GNAT1: variants seen among roughly 807,000 people sequenced by gnomAD.
GNAT1 encodes the protein guanine nucleotide-binding protein G(t) subunit alpha-1.
GNAT1 carries 36 observed loss-of-function variants against 40.0 expected under a neutral mutation model. That is an observed-to-expected ratio of 0.90 (90% CI 0.69 to 1.19). The LOEUF is 1.19. Ranked by LOEUF, GNAT1 falls within the 50% of genes most tolerant of loss-of-function variation. The pLI is 0.00. For synonymous variants in GNAT1, 195 were observed against 192.9 expected (o/e 1.01, Z -0.09); for missense variants, 413 against 480.6 (o/e 0.86, Z 1.32).
intron 8 of GNAT1, 140 bp downstream of exon 8, chr3:50,195,096 C>T: frequency 1.4e-6 from 1 of 693,408 alleles, no homozygotes; most frequent in East Asian, 2.7e-5. Context: ...CCTCAGGCTC[C>T]ACCCCACCGA....
At position 50,191,632 on chromosome 3, in the gene GNAT1, G is replaced by T; in HGVS notation, c.-94G>T. 1.1e-6 allele frequency: 1 copy of T among 893,056 alleles called. No homozygotes were observed. Among genetic ancestry groups the T allele is most frequent in the South Asian group, 1.3e-5 (1 of 74,766 alleles). The allele number at this position is 893,056 out of a possible 1,614,324, so 55.3% of individuals were successfully genotyped here. A position where few individuals can be genotyped will look rare whatever the true frequency, so the allele number is the denominator to read the frequency against. ...GCCAGTTGATTGCAGGTCCTCCTGG[G>T]GCCAGAAGGGTGCCTGGGAGGCCAG... is the stretch of plus-strand genomic sequence containing the variant. On this transcript the variant is annotated 5_prime_UTR_variant, in exon 1 of 9. Transcript: ENST00000232461.
chr3:50,193,187 T>G lies in GNAT1; in HGVS notation c.149+12T>G, dbSNP rs760015293. 4.3e-6 allele frequency: 7 copies of G among 1,614,048 alleles called. No individual in the cohort carries two copies. The South Asian group carries it at 6.6e-5, about 15-fold the overall frequency. ...GTCAAGCAGATGAAGTGAGTGCCCC[T>G]GCCTGTCCCGAGGCCCCTGGGTCTG... On this transcript the variant is annotated intron_variant, in intron 2 of 8. Coordinates refer to ENST00000232461, the MANE Select transcript of GNAT1 (RefSeq NM_144499.3). The surrounding 1 kb of genome is among the most constrained non-coding windows in gnomAD (Gnocchi z 8.1).
Position 50,194,256 on chromosome 3 carries a change from CGAG to C in GNAT1, c.708+42_708+44del, listed in dbSNP as rs771516234. ...AGGCAGGGCCTGTGTTCCAGGGGGG[CGAG>C]GAGGAGCTGCTGGTCCCTGGAGGCG... On this transcript the variant is annotated intron_variant, in intron 6 of 8. Coordinates refer to ENST00000232461, the MANE Select transcript of GNAT1 (RefSeq NM_144499.3). The surrounding 1 kb of genome is among the most constrained non-coding windows in gnomAD (Gnocchi z 6.1). The C allele has an allele frequency of 3.8e-6, 6 of 1,577,066 alleles. No homozygotes were observed. The highest frequency in any genetic ancestry group is 1.4e-5 in the African/African-American group (1 of 73,922).
In GNAT1 at chr3:50,197,318, C is replaced by A. The variant is rs1282284035; in HGVS notation, c.*2052C>A. On this transcript the variant is annotated 3_prime_UTR_variant, in exon 9 of 9. Coordinates refer to ENST00000232461, the MANE Select transcript of GNAT1 (RefSeq NM_144499.3). ...TTGTACAACCACCGCAACTGTTCAT[C>A]TCCAGAACTCCTTTCCTCTTGTAAA... Among the ~76,000 whole-genome samples the A allele has an allele frequency of 6.6e-6, 1 of 152,180 alleles. No homozygotes were observed. The highest frequency in any genetic ancestry group is 1.9e-4 in the East Asian group (1 of 5,200).
At chr3:50,195,146 T>G (rs1699483034) in intron 8 of GNAT1, 122 bp from the exon 9 acceptor site, 4 of 554,266 alleles carry the variant, frequency 7.2e-6, no homozygotes, top group Admixed American at 6.8e-5. Context: ...ACCCATTGAA[T>G]TTCTTTTGGC....
At chr3:50,195,205 A>C in intron 8 of GNAT1, 63 bp from the exon 9 acceptor site, 1 of 562,202 alleles carries the variant, frequency 1.8e-6, no homozygotes, top group Non-Finnish European at 3.2e-6. Context: ...GCCCCACCAC[A>C]CACAATGCCT....
At position 50,193,765 on chromosome 3, in the gene GNAT1, C is replaced by T. The variant is rs1313757746; in HGVS notation, c.462C>T (p.Asp154=). ...LNDSAGYYLS[D]LERLVTPGYV... is the part of the protein sequence containing the mutation. ...GGGTCTCGCGCAGCTACCTCTCCGA[C>T]CTGGAGCGCCTGGTAACCCCGGGCT... is the stretch of plus-strand genomic sequence containing the variant. The change falls in exon 5 of 9, where the codon GAC becomes GAT. Residue 154 remains aspartate, a synonymous_variant. Transcript: ENST00000232461. The surrounding 1 kb of genome is among the most constrained non-coding windows in gnomAD (Gnocchi z 8.1). 6.2e-7 allele frequency: 1 copy of T among 1,611,830 alleles called. No individual in the cohort carries two copies. The highest frequency in any genetic ancestry group is 2.2e-5 in the East Asian group (1 of 44,816).
rs1004474187 is a variant in GNAT1, at chr3:50,193,959, C to A, written c.578+78C>A. The A allele has an allele frequency of 6.2e-7, 1 of 1,601,008 alleles. No individual in the cohort carries two copies. On this transcript the variant is annotated intron_variant, in intron 5 of 8. Coordinates refer to ENST00000232461, the MANE Select transcript of GNAT1 (RefSeq NM_144499.3). This position sits in a 1 kb window ranked among gnomAD's most constrained non-coding sequence, Gnocchi z 8.1. ...CCGGGGACCCCATCCCTGCGATAGA[C>A]CCTGCCCCTTCCCTGATACCCCGCC...
Position 50,194,433 on chromosome 3 carries a change from G to T in GNAT1, c.709-68G>T. On this transcript the variant is annotated intron_variant, in intron 6 of 8. Transcript: ENST00000232461. The surrounding 1 kb of genome is among the most constrained non-coding windows in gnomAD (Gnocchi z 6.1). ...TGAGCGGGAAGCCCCGCGTGCCCGG[G>T]AGCCCAGAGAGCAGGTGCTGCGGGT... 6.4e-7 allele frequency: 1 copy of T among 1,559,676 alleles called. No individual in the cohort carries two copies. Among genetic ancestry groups the T allele is most frequent in the Non-Finnish European group, 8.8e-7 (1 of 1,139,654 alleles).
chr3:50,193,273 A>G lies in GNAT1; in HGVS notation c.158A>G (p.His53Arg), dbSNP rs1699441764. ...STIVKQMKII[H>R]QDGYSLEECL... ...GCTCTCCTCGGCCTCAGGATTATCCACCAGGACGGGTACTCGCTGGAAGAG... is the reference window on the plus strand; with the variant it reads ...GCTCTCCTCGGCCTCAGGATTATCCGCCAGGACGGGTACTCGCTGGAAGAG... The change falls in exon 3 of 9, where the codon CAC (histidine) becomes CGC (arginine). Residue 53 changes from histidine to arginine, a missense_variant. Physicochemically the swap from His to Arg is conservative, Grantham distance 29 (BLOSUM62 0). Coordinates refer to ENST00000232461, the MANE Select transcript of GNAT1 (RefSeq NM_144499.3). This position sits in a 1 kb window ranked among gnomAD's most constrained non-coding sequence, Gnocchi z 8.1. The G allele has an allele frequency of 6.2e-7, 1 of 1,614,154 alleles. No homozygotes were observed. The highest frequency in any genetic ancestry group is 8.5e-7 in the Non-Finnish European group (1 of 1,180,016).
chr3:50,195,297 T>A lies in GNAT1; in HGVS notation c.*31T>A. 1.0e-5 allele frequency: 4 copies of A among 387,964 alleles called. No individual in the cohort carries two copies. Among genetic ancestry groups the A allele is most frequent in the East Asian group, 6.0e-5 (1 of 16,760 alleles). The allele number at this position is 387,964 out of a possible 1,614,324, so 24.0% of individuals were successfully genotyped here. On this transcript the variant is annotated 3_prime_UTR_variant, in exon 9 of 9. Coordinates refer to ENST00000232461, the MANE Select transcript of GNAT1 (RefSeq NM_144499.3). ...CTGAATTCATGCGTGTCAGTCACCCTGAGACCTGGTAGCCCTAGCTGCCTT... is the reference window on the plus strand; with the variant it reads ...CTGAATTCATGCGTGTCAGTCACCCAGAGACCTGGTAGCCCTAGCTGCCTT...
At position 50,193,581 on chromosome 3, in the gene GNAT1, A is replaced by G. The variant is rs200450293; in HGVS notation, c.367A>G (p.Ile123Val). The G allele has an allele frequency of 4.3e-6, 7 of 1,613,102 alleles. No homozygotes were observed. The highest frequency in any genetic ancestry group is 5.9e-6 in the Non-Finnish European group (7 of 1,179,868). ...GTMPKEMSDI[I>V]QRLWKDSGIQ... ...GATGCCCAAGGAGATGTCGGACATC[A>G]TCCAGCGGCTGTGGAAGGACTCCGG... is the stretch of plus-strand genomic sequence containing the variant. Residue 123 changes from isoleucine to valine, a missense_variant, in exon 4 of 9, where the codon ATC (isoleucine) becomes GTC (valine). Coordinates refer to ENST00000232461, the MANE Select transcript of GNAT1 (RefSeq NM_144499.3). The surrounding 1 kb of genome is among the most constrained non-coding windows in gnomAD (Gnocchi z 8.1).
Position 50,194,594 on chromosome 3 carries a change from G to C in GNAT1, c.802G>C (p.Asp268His). Reference sequence around the variant, plus strand: ...CATCGTGCTCTTCCTTAACAAGAAGGACGTCTTCTTCGAGAAGATCAAGAA... The same window carrying C: ...CATCGTGCTCTTCCTTAACAAGAAGCACGTCTTCTTCGAGAAGATCAAGAA... ...TSIVLFLNKK[D>H]VFFEKIKKAH... Residue 268 changes from aspartate to histidine, a missense_variant, in exon 7 of 9, where the codon GAC becomes CAC. By Grantham distance (81) the Asp-to-His change is moderately conservative. Transcript: ENST00000232461. The surrounding 1 kb of genome is among the most constrained non-coding windows in gnomAD (Gnocchi z 6.1). The C allele has an allele frequency of 6.2e-7, 1 of 1,613,162 alleles. No individual in the cohort carries two copies. The highest frequency in any genetic ancestry group is 2.2e-5 in the East Asian group (1 of 44,872).
rs942271590 is a variant in GNAT1 at position 50,197,665 on chromosome 3, T to A, written c.*2399T>A. The stretch of plus-strand genomic sequence containing the variant: ...TCTGCCTTTTGGCTATTGTGAATAA[T>A]GCTGCTATGAACATGGGTGTACAAA... On this transcript the variant is annotated 3_prime_UTR_variant, in exon 9 of 9. Transcript: ENST00000232461. Among the ~76,000 whole-genome samples the A allele has an allele frequency of 6.6e-6, 1 of 152,206 alleles. No individual in the cohort carries two copies. Among genetic ancestry groups the A allele is most frequent in the African/African-American group, 2.4e-5 (1 of 41,446 alleles).
chr3:50,193,664 G>C lies in GNAT1; in HGVS notation c.449+1G>C. 1.9e-6 allele frequency: 3 copies of C among 1,611,232 alleles called. No individual in the cohort carries two copies. Among genetic ancestry groups the C allele is most frequent in the Non-Finnish European group, 2.5e-6 (3 of 1,179,464 alleles). ...ACCAGCTCAACGACTCGGCGGGCTAGTGAGCGCGCGGGCAGCGCGGGGCGC... is the reference window on the plus strand; with the variant it reads ...ACCAGCTCAACGACTCGGCGGGCTACTGAGCGCGCGGGCAGCGCGGGGCGC... On this transcript the variant is annotated splice_donor_variant, in intron 4 of 8. Transcript: ENST00000232461. LOFTEE classifies it high-confidence loss of function. The surrounding 1 kb of genome is among the most constrained non-coding windows in gnomAD (Gnocchi z 8.1).
chr3:50,193,949 C>G lies in GNAT1; in HGVS notation c.578+68C>G. On this transcript the variant is annotated intron_variant, in intron 5 of 8. Coordinates refer to ENST00000232461, the MANE Select transcript of GNAT1 (RefSeq NM_144499.3). The surrounding 1 kb of genome is among the most constrained non-coding windows in gnomAD (Gnocchi z 8.1). ...CCGTCCTGCCCCGGGGACCCCATCC[C>G]TGCGATAGACCCTGCCCCTTCCCTG... 1.2e-6 allele frequency: 2 copies of G among 1,604,854 alleles called. No homozygotes were observed. Among genetic ancestry groups the G allele is most frequent in the Non-Finnish European group, 8.5e-7 (1 of 1,172,316 alleles).
At chr3:50,192,905 C>T in intron 1 of GNAT1, 4 of 610,140 alleles carry the variant, frequency 6.6e-6, no homozygotes, top group Non-Finnish European at 1.2e-5. Flanking sequence ...TGAGTCCCCT[C>T]GTTGGCTTCC....
At position 50,191,648 on chromosome 3, in the gene GNAT1, G is replaced by A; in HGVS notation, c.-78G>A. 1 of 1,065,464 alleles carries A rather than the reference G, an allele frequency of 9.4e-7. No homozygotes were observed. The highest frequency in any genetic ancestry group is 1.5e-6 in the Non-Finnish European group (1 of 682,136). The allele number at this position is 1,065,464 out of a possible 1,614,324, so 66.0% of individuals were successfully genotyped here. ...TCCTCCTGGGGCCAGAAGGGTGCCT[G>A]GGAGGCCAGGTTCTGGGGATCCCCT... On this transcript the variant is annotated 5_prime_UTR_variant, in exon 1 of 9. Transcript: ENST00000232461.
rs1559747071 is a variant in GNAT1, at chr3:50,194,375, T to TG, written c.709-122dup. 3.6e-6 allele frequency: 5 copies of TG among 1,391,576 alleles called. No individual in the cohort carries two copies. The Middle Eastern group carries it at 7.1e-4, about 199-fold the overall frequency. 86.2% of individuals were successfully genotyped at this position (1,391,576 alleles called of 1,614,324 possible). Reference sequence around the variant, plus strand: ...CCCGGAGGCGTTCAGCAGGCCCATCTGGGGCAGTGCGGGGAGCCCTCTGAG... The same window carrying TG: ...CCCGGAGGCGTTCAGCAGGCCCATCTGGGGGCAGTGCGGGGAGCCCTCTGAG... On this transcript the variant is annotated intron_variant, in intron 6 of 8. Transcript: ENST00000232461. The surrounding 1 kb of genome is among the most constrained non-coding windows in gnomAD (Gnocchi z 6.1).
Sources: allele counts gnomAD v4.1 joint callset (sites outside exome capture counted in the v4.1 genomes callset), GRCh38; gene constraint gnomAD v4.1.1; non-coding constraint Gnocchi (gnomAD v3.1); transcripts MANE v1.5; gene names NCBI Gene and HGNC (gene_info 2026-07-23, HGNC 2026-07-21).